Variants in HKDC1 observed in about 807,000 individuals in gnomAD.
HKDC1 encodes the protein hexokinase HKDC1.
In HKDC1, 66 loss-of-function variants were observed where a neutral mutation model predicts 96.6. The ratio of observed to expected loss-of-function variants is 0.68; its 90% CI spans 0.56 to 0.84. HKDC1 has a LOEUF of 0.84. Ranked by LOEUF, HKDC1 falls within the 40% of genes least tolerant of loss-of-function variation. The pLI is 0.00. For missense variants in HKDC1, 1,211 were observed against 1,208.1 expected, an observed-to-expected ratio of 1.00 and a Z score of -0.04; for synonymous variants, 466 against 473.1, an observed-to-expected ratio of 0.98 and a Z score of 0.20.
Position 69,265,406 on chromosome 10 carries a change from G to A in HKDC1, c.2373-179G>A, listed in dbSNP as rs563251638. ...TTTTAAAGTTGATGGAACTTCCAGG[G>A]GTGGTGGACCTTCTTGAGTCTCGGC... On this transcript the variant is annotated intron_variant, in intron 16 of 17. Transcript: ENST00000354624. The A allele has an allele frequency of 4.8e-6, 3 of 621,072 alleles. No individual in the cohort carries two copies. The African/African-American group carries it at 5.6e-5, about 12-fold the overall frequency. 38.5% of individuals were successfully genotyped at this position (621,072 alleles called of 1,614,324 possible).
chr10:69,259,812 A>C (rs1843779606), intron 15 of HKDC1, among the ~76,000 whole-genome samples: 1 of 152,092 alleles, frequency 6.6e-6, no homozygotes, highest in Non-Finnish European at 1.5e-5. Flanking sequence ...GTGAGAACCC[A>C]CTCACTATCA....
At chr10:69,238,751 A>G (rs1843403878) in intron 4 of HKDC1, among the ~76,000 whole-genome samples, 1 of 152,236 alleles carries the variant, frequency 6.6e-6, no homozygotes, top group Admixed American at 6.5e-5. Flanking sequence ...AGAGGAGTAG[A>G]CTGAGGCTCA....
Position 69,250,750 on chromosome 10 carries a change from G to A in HKDC1, c.1836+98G>A, listed in dbSNP as rs1029089332. On this transcript the variant is annotated intron_variant, in intron 12 of 17. Coordinates refer to ENST00000354624, the MANE Select transcript of HKDC1 (RefSeq NM_025130.4). Reference sequence around the variant, plus strand: ...CTCCCAGCCTGCCTTCATTTTTACAGGGATCTTGGGTTCAGGGCAGCTGGG... The same window carrying A: ...CTCCCAGCCTGCCTTCATTTTTACAAGGATCTTGGGTTCAGGGCAGCTGGG... The A allele has an allele frequency of 3.6e-6, 5 of 1,375,574 alleles. No homozygotes were observed. The African/African-American group carries it at 7.2e-5, about 20-fold the overall frequency. 85.2% of individuals were successfully genotyped at this position (1,375,574 alleles called of 1,614,324 possible).
Position 69,246,179 on chromosome 10 carries a change from T to C in HKDC1, c.976T>C (p.Ser326Pro), listed in dbSNP as rs773123328. ...AGLLFGGEKS[S>P]ALHTKGKIET... ...CCTCCTGTTTGGTGGTGAGAAATCT[T>C]CTGCTCTCCACACTAAGGGCAAGAT... The change falls in exon 8 of 18, where the codon TCT becomes CCT. Residue 326 changes from serine (S) to proline (P), a missense_variant. Coordinates refer to ENST00000354624, the MANE Select transcript of HKDC1 (RefSeq NM_025130.4). The C allele has an allele frequency of 1.2e-6, 2 of 1,614,216 alleles. No homozygotes were observed. The highest frequency in any genetic ancestry group is 1.1e-5 in the South Asian group (1 of 91,082).
chr10:69,232,722 G>A, intron 2 of HKDC1, 42 bp from the exon 3 acceptor site: 2 of 1,589,054 alleles, frequency 1.3e-6, no homozygotes. Context: ...CATATCTGTA[G>A]TAGACCCTCA....
At chr10:69,257,193 G>T (rs549257147) in intron 13 of HKDC1, 62 bp downstream of exon 13, 8 of 1,477,600 alleles carry the variant, frequency 5.4e-6, no homozygotes, top group African/African-American at 1.4e-5. Flanking sequence ...CCTCTGCTCT[G>T]CCATCCTCTG....
At chr10:69,251,087 CTTTTTTTTTT>C (rs869084452) in intron 12 of HKDC1, among the ~76,000 whole-genome samples, 1 of 92,688 alleles carries the variant, frequency 1.1e-5, no homozygotes, top group Non-Finnish European at 2.1e-5. Flanking sequence ...AAATACATTT[CTTTTTTTTTT>C]TTTTTTTTTT....
intron 7 of HKDC1, among the ~76,000 whole-genome samples, chr10:69,244,904 A>G (rs1449775902): frequency 1.3e-5 from 2 of 152,014 alleles, no homozygotes; most frequent in Non-Finnish European, 2.9e-5. Context: ...TTCAATGCTC[A>G]AAGACTTTTT....
chr10:69,230,535 G>T (rs984205306), intron 2 of HKDC1, among the ~76,000 whole-genome samples: 3 of 152,166 alleles, frequency 2.0e-5, no homozygotes, highest in African/African-American at 4.8e-5. Flanking sequence ...GGAACCATTG[G>T]GTCCAAGGCA....
intron 6 of HKDC1, 92 bp from the exon 7 acceptor site, chr10:69,243,090 C>A: frequency 1.6e-6 from 2 of 1,289,398 alleles, no homozygotes; most frequent in Non-Finnish European, 2.2e-6. Context: ...CTTTGTGGTA[C>A]ATTGAGGAGG....
chr10:69,237,746 G>A (rs1426703485), intron 4 of HKDC1, among the ~76,000 whole-genome samples: 2 of 152,222 alleles, frequency 1.3e-5, no homozygotes, highest in African/African-American at 4.8e-5. Flanking sequence ...AGAAGTTAGG[G>A]AGAGCTGCCA....
chr10:69,250,502 G>T, intron 11 of HKDC1, 31 bp from the exon 12 acceptor site: 1 of 1,613,764 alleles, frequency 6.2e-7, no homozygotes, highest in Non-Finnish European at 8.5e-7. Flanking sequence ...ATGTCCGCCT[G>T]GTGTGAATGC....
At chr10:69,266,478 ATTAG>A in intron 17 of HKDC1, 128 bp from the exon 18 acceptor site, 65 of 942,774 alleles carry the variant, frequency 6.9e-5, no homozygotes, top group South Asian at 2.8e-4. Flanking sequence ...AAAAAAAAAA[ATTAG>A]AAGAAGCTGT....
chr10:69,225,373 C>A (rs868427558), intron 1 of HKDC1, among the ~76,000 whole-genome samples: 1 of 152,214 alleles, frequency 6.6e-6, no homozygotes, highest in Non-Finnish European at 1.5e-5. Flanking sequence ...CCAGTTTTCT[C>A]GGCTTGTGTG....
At chr10:69,230,532 T>C (rs559090203) in intron 2 of HKDC1, among the ~76,000 whole-genome samples, 17 of 152,268 alleles carry the variant, frequency 1.1e-4, no homozygotes, top group East Asian at 1.9e-4. Context: ...AAGGGAACCA[T>C]TGGGTCCAAG....
intron 5 of HKDC1, 113 bp from the exon 6 acceptor site, chr10:69,240,539 G>A: frequency 1.3e-6 from 1 of 773,514 alleles, no homozygotes; most frequent in African/African-American, 1.7e-5. Context: ...CCAGCAGGCA[G>A]GATCTAGGGA....
intron 4 of HKDC1, among the ~76,000 whole-genome samples, chr10:69,234,296 G>A (rs1014706672): frequency 3.9e-5 from 6 of 152,188 alleles, no homozygotes; most frequent in African/African-American, 1.4e-4. Flanking sequence ...ATAGTGAAAG[G>A]GAATGAGCTT....
intron 7 of HKDC1, among the ~76,000 whole-genome samples, chr10:69,245,149 G>A (rs564278696): frequency 4.6e-5 from 7 of 152,234 alleles, no homozygotes; most frequent in African/African-American, 7.2e-5. Flanking sequence ...TGATCCACCC[G>A]CCTTGGCCTC....
At chr10:69,244,559 T>C (rs191735634) in intron 7 of HKDC1, among the ~76,000 whole-genome samples, 16 of 152,276 alleles carry the variant, frequency 1.1e-4, no homozygotes, top group African/African-American at 3.9e-4. Flanking sequence ...CTCATGCGTG[T>C]AATCCCAGCA....
Sources: allele counts gnomAD v4.1 joint callset (sites outside exome capture counted in the v4.1 genomes callset), GRCh38; gene constraint gnomAD v4.1.1; transcripts MANE v1.5; gene names NCBI Gene and HGNC (gene_info 2026-07-23, HGNC 2026-07-21).